CHIC2: variants seen among roughly 807,000 people sequenced by gnomAD.
CHIC2 encodes cysteine-rich hydrophobic domain-containing protein 2.
In CHIC2, 14 loss-of-function variants were observed where a neutral mutation model predicts 25.9. The ratio of observed to expected loss-of-function variants is 0.54; its 90% CI spans 0.36 to 0.85. The LOEUF (loss-of-function observed/expected upper bound fraction) is 0.85, where lower values mean the gene tolerates loss of function less well. Ranked by LOEUF, CHIC2 falls within the 40% of genes least tolerant of loss-of-function variation. The pLI is 0.01. For missense variants in CHIC2, 146 were observed against 202.0 expected (o/e 0.72, Z 1.68); for synonymous variants, 70 against 72.0 (o/e 0.97, Z 0.14).
Position 54,064,133 on chromosome 4 carries a change from G to A in CHIC2, c.119+49C>T, listed in dbSNP as rs373159474. The A allele has an allele frequency of 5.3e-4, 811 of 1,516,640 alleles. No individual in the cohort carries two copies. Among genetic ancestry groups the A allele is most frequent in the Admixed American group, 1.0e-3 (55 of 53,626 alleles). The allele number at this position is 1,516,640 out of a possible 1,614,324, so 93.9% of individuals were successfully genotyped here. A position where few individuals can be genotyped will look rare whatever the true frequency, so the allele number is the denominator to read the frequency against. ...AAACGGGGCTCCCGTGGAGTAACGG[G>A]GCCCACCCCAGCCCGCACCTCCCGC... On this transcript the variant is annotated intron_variant, in intron 1 of 5. Transcript: ENST00000263921. This position sits in a 1 kb window ranked among gnomAD's most constrained non-coding sequence, Gnocchi z 4.2.
At chr4:54,078,550 C>G in the CHIC2 span, among the ~76,000 whole-genome samples, 4 of 152,242 alleles carry the variant, frequency 2.6e-5, no homozygotes, top group Admixed American at 6.5e-5. Context: ...GAGTCTGTCT[C>G]TGTCCCCAGG....
chr4:54,017,067 T>G (rs1361094330), intron 3 of CHIC2, among the ~76,000 whole-genome samples: 2 of 152,166 alleles, frequency 1.3e-5, no homozygotes, highest in Admixed American at 6.5e-5. Context: ...TAAAAGCTTT[T>G]AAAAGAAAGC....
At chr4:54,065,491 TAGAAGG>T (rs755328796), upstream of CHIC2, among the ~76,000 whole-genome samples, 1 of 151,604 alleles carries the variant, frequency 6.6e-6, no homozygotes, top group Non-Finnish European at 1.5e-5. Flanking sequence ...GAAGAAAGGA[TAGAAGG>T]AAGGACGAGA....
chr4:54,032,072 A>G (rs1716244739), intron 3 of CHIC2, among the ~76,000 whole-genome samples: 1 of 152,180 alleles, frequency 6.6e-6, no homozygotes, highest in African/African-American at 2.4e-5. Context: ...TAAATGAATG[A>G]TTTCCTGATA....
At chr4:54,080,944 A>G in the CHIC2 span, among the ~76,000 whole-genome samples, 748 of 5,620 alleles carry the variant, frequency 0.13, no homozygotes, top group Non-Finnish European at 0.18. Context: ...GTGTGTGTGT[A>G]TATATATATA....
At chr4:54,022,352 G>T (rs981520809) in intron 3 of CHIC2, among the ~76,000 whole-genome samples, 8 of 152,040 alleles carry the variant, frequency 5.3e-5, no homozygotes, top group African/African-American at 1.9e-4. Context: ...ACAGTGGAGG[G>T]TAAGTCCGTC....
At position 54,010,066 on chromosome 4, in the gene CHIC2, T is replaced by C; in HGVS notation, c.*29A>G. On this transcript the variant is annotated 3_prime_UTR_variant, in exon 6 of 6. Transcript: ENST00000263921. ...AGGCACCATTGGAAAGACAACATAC[T>C]TGGAAAGTCTCTATAAATAAAGTAA... The C allele has an allele frequency of 6.5e-7, 1 of 1,533,646 alleles. No homozygotes were observed. The highest frequency in any genetic ancestry group is 9.0e-7 in the Non-Finnish European group (1 of 1,111,066).
intron 1 of CHIC2, among the ~76,000 whole-genome samples, chr4:54,051,864 G>A (rs542324793): frequency 4.6e-5 from 7 of 152,082 alleles, no homozygotes; most frequent in Non-Finnish European, 7.4e-5. Flanking sequence ...CTCAACTAAT[G>A]TTTTGAAAGA....
chr4:54,046,675 A>C (rs1034739236), intron 3 of CHIC2, among the ~76,000 whole-genome samples: 2 of 152,338 alleles, frequency 1.3e-5, no homozygotes, highest in Admixed American at 1.3e-4. Flanking sequence ...CTTACATGTT[A>C]GACCTAAAAC....
chr4:54,027,893 G>T (rs1265911135), intron 3 of CHIC2, among the ~76,000 whole-genome samples: 1 of 152,090 alleles, frequency 6.6e-6, no homozygotes, highest in Non-Finnish European at 1.5e-5. Context: ...TCAAAGACAG[G>T]ATGTTGATTT....
chr4:54,046,854 G>T (rs372804115), intron 3 of CHIC2, among the ~76,000 whole-genome samples: 3 of 152,196 alleles, frequency 2.0e-5, no homozygotes, highest in Non-Finnish European at 4.4e-5. Context: ...CCATCAGAGT[G>T]AACAGGCAAC....
At chr4:54,080,904 T>A in the CHIC2 span, among the ~76,000 whole-genome samples, 1 of 143,840 alleles carries the variant, frequency 7.0e-6, no homozygotes, top group African/African-American at 2.5e-5. Flanking sequence ...GATGTGCTAA[T>A]TAGCTTGATT....
rs1715541141 is a variant in CHIC2 at position 54,010,155 on chromosome 4, G to A, written c.448-10C>T. ...ATTCTATGAGGATGACCTGTAAAAG[G>A]AGAAGAAAAAGGTTTTAAAAGATTT... On this transcript the variant is annotated splice_polypyrimidine_tract_variant and intron_variant, in intron 5 of 5. Transcript: ENST00000263921. 1 of 1,596,538 alleles carries A rather than the reference G, an allele frequency of 6.3e-7. No individual in the cohort carries two copies. The highest frequency in any genetic ancestry group is 8.6e-7 in the Non-Finnish European group (1 of 1,166,514).
At chr4:54,070,380 TATTATTTA>T in the CHIC2 span, among the ~76,000 whole-genome samples, 1 of 145,476 alleles carries the variant, frequency 6.9e-6, no homozygotes, top group African/African-American at 2.5e-5. Flanking sequence ...TGTGCATTTT[TATTATTTA>T]TTTATTTATT....
At chr4:54,054,429 A>C (rs1038321692) in intron 1 of CHIC2, among the ~76,000 whole-genome samples, 2 of 152,252 alleles carry the variant, frequency 1.3e-5, no homozygotes, top group African/African-American at 4.8e-5. Flanking sequence ...CCACTGCTTC[A>C]ACTTGTTTTG....
chr4:54,012,859 G>A (rs1715635099), intron 5 of CHIC2, among the ~76,000 whole-genome samples: 1 of 152,096 alleles, frequency 6.6e-6, no homozygotes, highest in Non-Finnish European at 1.5e-5. Flanking sequence ...AATAGGATTT[G>A]ACTGTGGGAT....
intron 1 of CHIC2, among the ~76,000 whole-genome samples, chr4:54,050,784 G>GTAT (rs1172293539): frequency 6.6e-6 from 1 of 152,046 alleles, no homozygotes; most frequent in African/African-American, 2.4e-5. Flanking sequence ...TTTTAAGTTT[G>GTAT]TATACACACA....
At chr4:54,078,584 T>G in the CHIC2 span, among the ~76,000 whole-genome samples, 3 of 152,094 alleles carry the variant, frequency 2.0e-5, no homozygotes, top group Non-Finnish European at 4.4e-5. Context: ...GACACGATCT[T>G]GGCTTACTGC....
chr4:54,014,649 T>A (rs1285155578), intron 3 of CHIC2, among the ~76,000 whole-genome samples: 1 of 152,156 alleles, frequency 6.6e-6, no homozygotes, highest in Non-Finnish European at 1.5e-5. Context: ...ACCAATAGAT[T>A]TTTTGAACAG....
Sources: allele counts gnomAD v4.1 joint callset (sites outside exome capture counted in the v4.1 genomes callset), GRCh38; gene constraint gnomAD v4.1.1; non-coding constraint Gnocchi (gnomAD v3.1); transcripts MANE v1.5; gene names NCBI Gene and HGNC (gene_info 2026-07-23, HGNC 2026-07-21).